Variants in ZC3H12B observed in about 807,000 individuals in gnomAD.
ZC3H12B encodes probable ribonuclease ZC3H12B.
ZC3H12B carries 7 observed loss-of-function variants against 43.9 expected under a neutral mutation model. The observed-to-expected ratio is 0.16, with a 90% CI of 0.09 to 0.30. The LOEUF is 0.30. ZC3H12B is among the 10% of genes least tolerant of loss of function. ZC3H12B has a pLI of 1.00. For synonymous variants in ZC3H12B, 222 were observed against 241.7 expected (o/e 0.92, Z 0.76); for missense variants, 475 against 670.2 (o/e 0.71, Z 3.22).
the ZC3H12B span, among the ~76,000 whole-genome samples, chrX:65,352,768 A>G: frequency 8.9e-6 from 1 of 111,884 alleles, no homozygotes; most frequent in African/African-American, 3.2e-5. Flanking sequence ...TCTGTGTCAC[A>G]TTTTGGTTAT....
intron 1 of ZC3H12B, among the ~76,000 whole-genome samples, chrX:65,489,694 T>A (rs1003390570): frequency 8.9e-6 from 1 of 111,987 alleles, no homozygotes; most frequent in Non-Finnish European, 1.9e-5. Flanking sequence ...TGCTGTCCTA[T>A]CCCTACTTTA....
the ZC3H12B span, among the ~76,000 whole-genome samples, chrX:65,171,594 C>A: frequency 9.0e-6 from 1 of 111,683 alleles, no homozygotes; most frequent in Non-Finnish European, 1.9e-5. Context: ...TTTAAGTCTG[C>A]AGAAGTTTCT....
the ZC3H12B span, among the ~76,000 whole-genome samples, chrX:65,057,685 C>G: frequency 2.7e-5 from 3 of 112,117 alleles, no homozygotes; most frequent in Non-Finnish European, 5.6e-5. Flanking sequence ...TGTTTTCCAA[C>G]TTGGTTCTAT....
chrX:65,189,782 G>A, the ZC3H12B span, among the ~76,000 whole-genome samples: 2 of 111,163 alleles, frequency 1.8e-5, no homozygotes, highest in Admixed American at 9.6e-5. Flanking sequence ...CTTTTGCTAT[G>A]CAGAAGCTCT....
chrX:65,062,057 A>G, the ZC3H12B span, among the ~76,000 whole-genome samples: 3 of 112,315 alleles, frequency 2.7e-5, no homozygotes, highest in South Asian at 1.1e-3. Flanking sequence ...TAGATTCTGG[A>G]TACTAGACTG....
the ZC3H12B span, among the ~76,000 whole-genome samples, chrX:65,128,606 CTTATT>C: frequency 5.4e-5 from 6 of 111,706 alleles, no homozygotes; most frequent in Admixed American, 9.5e-5. Flanking sequence ...CTTCTATATC[CTTATT>C]TTATAATTGT....
chrX:65,109,023 C>T, the ZC3H12B span, among the ~76,000 whole-genome samples: 8 of 111,603 alleles, frequency 7.2e-5, no homozygotes, highest in African/African-American at 1.6e-4. Context: ...TTGCCTGAAA[C>T]GTCCAGTTTT....
At chrX:65,230,611 C>CA in the ZC3H12B span, among the ~76,000 whole-genome samples, 1,094 of 49,155 alleles carry the variant, frequency 0.022, 22 homozygotes, top group African/African-American at 0.054. Flanking sequence ...CCCCCAGCGC[C>CA]AAAAAAAAAA....
chrX:65,338,788 GA>G, the ZC3H12B span, among the ~76,000 whole-genome samples: 1 of 111,890 alleles, frequency 8.9e-6, no homozygotes, highest in African/African-American at 3.2e-5. Context: ...ATATATGCAG[GA>G]AAAATCTTTC....
At chrX:65,075,211 C>T in the ZC3H12B span, among the ~76,000 whole-genome samples, 1 of 112,466 alleles carries the variant, frequency 8.9e-6, no homozygotes, top group East Asian at 2.8e-4. Context: ...GTTCACATCT[C>T]TCTTTAGTTC....
At chrX:65,035,512 A>G in the ZC3H12B span, among the ~76,000 whole-genome samples, 2 of 111,648 alleles carry the variant, frequency 1.8e-5, no homozygotes, top group Non-Finnish European at 3.8e-5. Flanking sequence ...CTTAGATGCC[A>G]TAGATGCTGA....
the ZC3H12B span, among the ~76,000 whole-genome samples, chrX:65,315,204 C>T: frequency 3.6e-5 from 4 of 110,809 alleles, no homozygotes; most frequent in Non-Finnish European, 7.6e-5. Flanking sequence ...AATAAACCCA[C>T]TTTAAATATT....
chrX:65,038,398 G>C, the ZC3H12B span, among the ~76,000 whole-genome samples: 1 of 111,442 alleles, frequency 9.0e-6, no homozygotes, highest in South Asian at 3.7e-4. Context: ...AAATAAACAA[G>C]TTATTAGAGA....
chrX:65,270,940 A>T, the ZC3H12B span: 1 of 112,152 alleles, frequency 8.9e-6, no homozygotes, highest in Non-Finnish European at 1.9e-5. Flanking sequence ...AAATGTTCCT[A>T]TAAAGACTGA....
the ZC3H12B span, among the ~76,000 whole-genome samples, chrX:65,127,671 C>G: frequency 9.0e-6 from 1 of 110,923 alleles, no homozygotes; most frequent in Non-Finnish European, 1.9e-5. Flanking sequence ...TGTCTCAGCT[C>G]AGCCTCTTCT....
the ZC3H12B span, among the ~76,000 whole-genome samples, chrX:65,320,727 GC>G: frequency 9.0e-6 from 1 of 111,381 alleles, no homozygotes; most frequent in Non-Finnish European, 1.9e-5. Context: ...AGAATAGAGA[GC>G]CCAGAAATAA....
At chrX:65,191,613 G>A in the ZC3H12B span, among the ~76,000 whole-genome samples, 13 of 100,110 alleles carry the variant, frequency 1.3e-4, no homozygotes, top group African/African-American at 5.2e-4. Flanking sequence ...TTCTCTGATG[G>A]TAGTTTGTAT....
chrX:65,152,110 C>A, the ZC3H12B span, among the ~76,000 whole-genome samples: 2 of 111,440 alleles, frequency 1.8e-5, no homozygotes, highest in African/African-American at 6.5e-5. Context: ...CTATGACAAA[C>A]CCACAGCCAA....
intron 2 of ZC3H12B, among the ~76,000 whole-genome samples, chrX:65,396,979 T>A (rs927308980): frequency 8.9e-6 from 1 of 111,946 alleles, no homozygotes. Context: ...TCTTTTTTTA[T>A]CTTTGTTGGT....
Sources: gnomAD v4.1 joint callset for allele counts (sites outside exome capture counted in the v4.1 genomes callset) on GRCh38, gnomAD v4.1.1 for gene constraint, MANE v1.5 for transcripts, NCBI Gene and HGNC (gene_info 2026-07-23, HGNC 2026-07-21) for gene names.